Variants in RAPGEF6 observed in about 807,000 individuals in gnomAD.
RAPGEF6 encodes the protein Rap guanine nucleotide exchange factor 6, also known as PDZ domain containing guanine nucleotide exchange factor (GEF) 2.
In RAPGEF6, 56 loss-of-function variants were observed where a neutral mutation model predicts 171.4. The observed-to-expected ratio is 0.33, with a 90% CI of 0.26 to 0.41. The LOEUF (loss-of-function observed/expected upper bound fraction) is 0.41. Among genes scored for constraint, RAPGEF6 ranks in the 10% least tolerant of loss-of-function variants. The pLI, the probability that RAPGEF6 is intolerant of heterozygous loss-of-function variation, is 1.00. For synonymous variants in RAPGEF6, 692 were observed against 650.1 expected, an observed-to-expected ratio of 1.06 and a Z score of -0.98; for missense variants, 1,674 against 1,921.4, an observed-to-expected ratio of 0.87 and a Z score of 2.41.
intron 4 of RAPGEF6, among the ~76,000 whole-genome samples, chr5:131,585,881 A>C (rs1192325737): frequency 2.0e-5 from 3 of 152,160 alleles, no homozygotes; most frequent in Admixed American, 6.5e-5. Flanking sequence ...ATGACCTGGA[A>C]GCCCCCTCTC....
intron 1 of RAPGEF6, among the ~76,000 whole-genome samples, chr5:131,613,746 C>T (rs1765088547): frequency 6.6e-6 from 1 of 152,046 alleles, no homozygotes; most frequent in East Asian, 1.9e-4. Context: ...CAACAGACCA[C>T]CTTATAAGTT....
chr5:131,492,851 C>T (rs944855306), intron 13 of RAPGEF6, 66 bp from the exon 14 acceptor site: 54 of 1,424,944 alleles, frequency 3.8e-5, no homozygotes, highest in African/African-American at 2.2e-4. Context: ...AAAAAGTCAA[C>T]GAAAATTATT....
chr5:131,517,130 A>T (rs532529451), intron 7 of RAPGEF6, among the ~76,000 whole-genome samples: 1 of 152,258 alleles, frequency 6.6e-6, no homozygotes, highest in South Asian at 2.1e-4. Context: ...GCAGGGAGAG[A>T]GGGGCAAGGG....
rs755786041 is a variant in RAPGEF6 at position 131,510,335 on chromosome 5, C to T, written c.784G>A (p.Asp262Asn). ...VRECLEKEPA[D>N]KTDDDIEQLL... ...TTACCAATGTCATCATCAGTTTTGT[C>T]TGCAGGTTCTTTTTCAAGACATTCT... The change falls in exon 8 of 28, where the codon GAC becomes AAC. Residue 262 changes from aspartate (D) to asparagine (N), a missense_variant. Transcript: ENST00000509018. The T allele has an allele frequency of 3.1e-6, 5 of 1,613,378 alleles. No individual in the cohort carries two copies. The highest frequency in any genetic ancestry group is 4.2e-6 in the Non-Finnish European group (5 of 1,179,822).
intron 4 of RAPGEF6, among the ~76,000 whole-genome samples, chr5:131,580,519 G>C (rs1306132206): frequency 1.3e-5 from 2 of 152,178 alleles, no homozygotes; most frequent in Admixed American, 6.5e-5. Context: ...CTCAAGCGTG[G>C]CCAGAGCAGA....
chr5:131,451,985 C>T (rs1429930471), intron 21 of RAPGEF6, among the ~76,000 whole-genome samples: 1 of 152,138 alleles, frequency 6.6e-6, no homozygotes, highest in Non-Finnish European at 1.5e-5. Context: ...ATAATCCCAG[C>T]ACTTTGGGAG....
At chr5:131,585,113 G>A (rs1425280316) in intron 4 of RAPGEF6, among the ~76,000 whole-genome samples, 2 of 152,052 alleles carry the variant, frequency 1.3e-5, no homozygotes, top group Non-Finnish European at 1.5e-5. Flanking sequence ...ACACATATGT[G>A]GATATTTGAT....
At position 131,529,604 on chromosome 5, in the gene RAPGEF6, G is replaced by A. The variant is rs529635456; in HGVS notation, c.496-8083C>T. ...CAGGGCAAAACTTCATGGCATCAAG[G>A]ATTAAAAAAAATAAATAAAACAAAG... On this transcript the variant is annotated intron_variant, in intron 6 of 27. Transcript: ENST00000509018. Among the ~76,000 whole-genome samples the A allele has an allele frequency of 2.1e-3, 320 of 151,510 alleles. 2 individuals carry two copies. The highest frequency in any genetic ancestry group is 7.5e-3 in the African/African-American group (311 of 41,266).
intron 4 of RAPGEF6, among the ~76,000 whole-genome samples, chr5:131,574,005 G>T (rs1015757492): frequency 1.3e-5 from 2 of 152,142 alleles, no homozygotes; most frequent in Non-Finnish European, 2.9e-5. Context: ...AAGCAGCAGC[G>T]TATCTCTAAA....
intron 4 of RAPGEF6, among the ~76,000 whole-genome samples, chr5:131,568,442 C>T (rs80061407): frequency 1.2e-3 from 179 of 151,972 alleles, no homozygotes; most frequent in Admixed American, 3.8e-3. Flanking sequence ...GCTATCCTCT[C>T]GCCTCAGCCT....
At chr5:131,528,329 A>T (rs1561538410) in intron 6 of RAPGEF6, among the ~76,000 whole-genome samples, 8 of 106,690 alleles carry the variant, frequency 7.5e-5, no homozygotes, top group East Asian at 2.2e-4. Context: ...ATATATATAT[A>T]TATATATATA....
intron 6 of RAPGEF6, among the ~76,000 whole-genome samples, chr5:131,527,702 G>GT (rs1470108039): frequency 6.6e-6 from 1 of 152,074 alleles, no homozygotes; most frequent in Non-Finnish European, 1.5e-5. Flanking sequence ...AAAATTAAAA[G>GT]TAAGCCACCA....
chr5:131,453,739 C>T (rs1303192594), intron 20 of RAPGEF6, among the ~76,000 whole-genome samples: 1 of 152,224 alleles, frequency 6.6e-6, no homozygotes. Context: ...AGTCCAAGGC[C>T]CTGAAGGCAA....
intron 9 of RAPGEF6, among the ~76,000 whole-genome samples, chr5:131,507,634 G>A (rs919667618): frequency 2.0e-5 from 3 of 152,024 alleles, no homozygotes; most frequent in Non-Finnish European, 4.4e-5. Flanking sequence ...GGATGCACTG[G>A]TACCAACACA....
At chr5:131,431,452 C>T (rs1751703360) in intron 25 of RAPGEF6, 103 bp from the exon 26 acceptor site, 1 of 1,270,538 alleles carries the variant, frequency 7.9e-7, no homozygotes, top group Non-Finnish European at 1.1e-6. Context: ...GCACGTACCA[C>T]AAGTGTTCAT....
At chr5:131,523,024 A>AT (rs1180792136) in intron 6 of RAPGEF6, among the ~76,000 whole-genome samples, 10 of 152,092 alleles carry the variant, frequency 6.6e-5, no homozygotes, top group Non-Finnish European at 1.2e-4. Flanking sequence ...AATTAAAAAA[A>AT]TTTTTTTTCA....
chr5:131,460,917 A>C (rs1753880372), intron 19 of RAPGEF6, among the ~76,000 whole-genome samples: 1 of 152,198 alleles, frequency 6.6e-6, no homozygotes, highest in African/African-American at 2.4e-5. Context: ...GGATTAGTTC[A>C]AGTGGAATTA....
intron 7 of RAPGEF6, among the ~76,000 whole-genome samples, chr5:131,515,931 T>C (rs543181255): frequency 7.5e-4 from 114 of 152,014 alleles, no homozygotes; most frequent in Non-Finnish European, 1.4e-3. Context: ...AGTGAAGAAT[T>C]AAAGCTTTTT....
chr5:131,619,819 G>A (rs896793254), intron 1 of RAPGEF6, among the ~76,000 whole-genome samples: 7 of 152,164 alleles, frequency 4.6e-5, no homozygotes, highest in African/African-American at 1.2e-4. Context: ...ATTAAGCAAC[G>A]ATTATAAGCA....
Sources: allele counts gnomAD v4.1 joint callset (sites outside exome capture counted in the v4.1 genomes callset), GRCh38; gene constraint gnomAD v4.1.1; transcripts MANE v1.5; gene names NCBI Gene and HGNC (gene_info 2026-07-23, HGNC 2026-07-21).